The following PACRG variants were observed in gnomAD, a reference collection of about 807,000 sequenced individuals.
PACRG encodes parkin coregulated.
In PACRG, 29 loss-of-function variants were observed where a neutral mutation model predicts 29.7. The ratio of observed to expected loss-of-function variants is 0.98; its 90% CI spans 0.73 to 1.33. The LOEUF is 1.33. Among genes scored for constraint, PACRG ranks in the 40% most tolerant of loss-of-function variants. The pLI is 0.00. For missense variants in PACRG, 279 were observed against 316.2 expected, an observed-to-expected ratio of 0.88 and a Z score of 0.89; for synonymous variants, 116 against 118.7, an observed-to-expected ratio of 0.98 and a Z score of 0.15.
chr6:163,124,049 G>A (rs1034318368), intron 4 of PACRG, among the ~76,000 whole-genome samples: 1 of 152,178 alleles, frequency 6.6e-6, no homozygotes, highest in Non-Finnish European at 1.5e-5. Context: ...AATTTTTTGA[G>A]GAACCTCCAT....
At chr6:163,302,008 G>A (rs898135190) in intron 4 of PACRG, among the ~76,000 whole-genome samples, 1 of 152,166 alleles carries the variant, frequency 6.6e-6, no homozygotes, top group Non-Finnish European at 1.5e-5. Context: ...TGATTCAGGG[G>A]AAAGCCATCG....
chr6:162,913,502 A>G (rs1319255225), intron 2 of PACRG, among the ~76,000 whole-genome samples: 1 of 152,208 alleles, frequency 6.6e-6, no homozygotes, highest in Non-Finnish European at 1.5e-5. Context: ...TCTTAAACAT[A>G]AAGCTACTAA....
At chr6:163,085,578 C>A (rs2128296336) in intron 3 of PACRG, among the ~76,000 whole-genome samples, 2 of 152,302 alleles carry the variant, frequency 1.3e-5, no homozygotes, top group South Asian at 4.1e-4. Flanking sequence ...TCTCTTGAAT[C>A]CCCCAGGGGA....
intron 2 of PACRG, among the ~76,000 whole-genome samples, chr6:162,852,005 G>GGAAGGAAGGA (rs1562663902): frequency 4.5e-4 from 52 of 116,104 alleles, no homozygotes; most frequent in African/African-American, 9.9e-4. Context: ...GGGAGGGAGG[G>GGAAGGAAGGA]AGGAAGGAAG....
intron 3 of PACRG, among the ~76,000 whole-genome samples, chr6:163,073,099 A>C (rs931030195): frequency 1.3e-5 from 2 of 152,216 alleles, no homozygotes; most frequent in African/African-American, 4.8e-5. Context: ...ACAGAAAAAA[A>C]CAATTTTAAA....
chr6:162,844,318 C>T (rs540677063), intron 2 of PACRG, among the ~76,000 whole-genome samples: 64 of 152,124 alleles, frequency 4.2e-4, no homozygotes, highest in Non-Finnish European at 5.9e-4. Flanking sequence ...TTTTTTAAGC[C>T]GGTCCGAAAA....
intron 2 of PACRG, among the ~76,000 whole-genome samples, chr6:163,010,394 T>A (rs1426102324): frequency 6.6e-6 from 1 of 152,212 alleles, no homozygotes; most frequent in Non-Finnish European, 1.5e-5. Flanking sequence ...GACATATAAA[T>A]GATGCTACCT....
chr6:162,887,367 G>A (rs1181380686), intron 2 of PACRG, among the ~76,000 whole-genome samples: 1 of 152,212 alleles, frequency 6.6e-6, no homozygotes, highest in East Asian at 1.9e-4. Context: ...GAGAAAGACA[G>A]CTAGTGTGGA....
chr6:163,305,457 C>T (rs889016343), intron 4 of PACRG, among the ~76,000 whole-genome samples: 1 of 152,164 alleles, frequency 6.6e-6, no homozygotes, highest in African/African-American at 2.4e-5. Flanking sequence ...CAATGACGTC[C>T]CTGGGCAGTC....
intron 2 of PACRG, among the ~76,000 whole-genome samples, chr6:162,895,876 G>A (rs1795127712): frequency 6.6e-6 from 1 of 152,176 alleles, no homozygotes; most frequent in African/African-American, 2.4e-5. Context: ...TGCCCAAGTC[G>A]AACAGTTTCT....
At chr6:162,907,611 T>C (rs1032054282) in intron 2 of PACRG, among the ~76,000 whole-genome samples, 1 of 152,070 alleles carries the variant, frequency 6.6e-6, no homozygotes, top group Admixed American at 6.5e-5. Context: ...ATCTACAACC[T>C]CAAATAACAT....
chr6:163,059,775 C>T (rs1810939509), intron 2 of PACRG, among the ~76,000 whole-genome samples: 1 of 152,170 alleles, frequency 6.6e-6, no homozygotes, highest in Non-Finnish European at 1.5e-5. Context: ...GCTTGAGGAT[C>T]AAATGAACTA....
chr6:163,164,587 C>A (rs565683418), intron 4 of PACRG, among the ~76,000 whole-genome samples: 76 of 152,296 alleles, frequency 5.0e-4, no homozygotes, highest in African/African-American at 1.8e-3. Flanking sequence ...TCTCTTTGAA[C>A]CTTTCACTCC....
intron 2 of PACRG, among the ~76,000 whole-genome samples, chr6:162,896,435 G>A (rs567010297): frequency 5.3e-5 from 8 of 152,192 alleles, no homozygotes; most frequent in African/African-American, 1.9e-4. Flanking sequence ...TAATTTCTCC[G>A]TAAGAACGCA....
At chr6:163,121,914 G>A (rs1217244641) in intron 4 of PACRG, among the ~76,000 whole-genome samples, 2 of 151,612 alleles carry the variant, frequency 1.3e-5, no homozygotes, top group Non-Finnish European at 2.9e-5. Flanking sequence ...TGCCTGCCTC[G>A]GCCTCCCAAA....
intron 4 of PACRG, among the ~76,000 whole-genome samples, chr6:163,100,521 G>A (rs1353098344): frequency 6.6e-6 from 1 of 152,090 alleles, no homozygotes; most frequent in South Asian, 2.1e-4. Flanking sequence ...GGCACGTCCC[G>A]CTGTCCCCCC....
intron 2 of PACRG, among the ~76,000 whole-genome samples, chr6:162,838,547 G>A (rs555355431): frequency 6.6e-6 from 1 of 152,208 alleles, no homozygotes; most frequent in East Asian, 1.9e-4. Flanking sequence ...GGTCTGAACA[G>A]TGAGTCTTTC....
intron 4 of PACRG, among the ~76,000 whole-genome samples, chr6:163,108,158 A>G (rs1485495991): frequency 6.6e-6 from 1 of 152,084 alleles, no homozygotes; most frequent in African/African-American, 2.4e-5. Context: ...TGATTGGATC[A>G]CTGGGGTAGA....
intron 2 of PACRG, among the ~76,000 whole-genome samples, chr6:162,947,558 T>C (rs1799229834): frequency 9.2e-6 from 1 of 109,190 alleles, no homozygotes; most frequent in South Asian, 2.7e-4. Context: ...ATATATATAA[T>C]CATATATATA....
Sources: gnomAD v4.1 joint callset for allele counts (sites outside exome capture counted in the v4.1 genomes callset) on GRCh38, gnomAD v4.1.1 for gene constraint, MANE v1.5 for transcripts, NCBI Gene and HGNC (gene_info 2026-07-23, HGNC 2026-07-21) for gene names.